CNOT7: variants seen among roughly 807,000 people sequenced by gnomAD.
CNOT7 encodes BTG1-binding factor 1.
CNOT7 carries 4 observed loss-of-function variants against 37.1 expected under a neutral mutation model. That is an observed-to-expected ratio of 0.11 (90% CI 0.05 to 0.25). The LOEUF is 0.25. Among genes scored for constraint, CNOT7 ranks in the 10% least tolerant of loss-of-function variants. CNOT7 has a pLI of 1.00. For missense variants in CNOT7, 170 were observed against 336.2 expected (o/e 0.51, Z 3.87); for synonymous variants, 128 against 115.6 (o/e 1.11, Z -0.69).
At chr8:17,238,111 A>G (rs1348198738) in intron 3 of CNOT7, among the ~76,000 whole-genome samples, 1 of 152,218 alleles carries the variant, frequency 6.6e-6, no homozygotes, top group African/African-American at 2.4e-5. Context: ...CCAACCACAA[A>G]TATGTGTATC....
intron 3 of CNOT7, among the ~76,000 whole-genome samples, chr8:17,239,619 G>A (rs1809866429): frequency 6.6e-6 from 1 of 152,116 alleles, no homozygotes; most frequent in Admixed American, 6.5e-5. Flanking sequence ...AGCCTCCCGA[G>A]TAGCTGGGAC....
At position 17,237,280 on chromosome 8, in the gene CNOT7, G is replaced by A. The variant is rs754732510; in HGVS notation, c.405C>T (p.Tyr135=). 3 of 1,613,992 alleles carry A rather than the reference G, an allele frequency of 1.9e-6. No individual in the cohort carries two copies. The highest frequency in any genetic ancestry group is 2.5e-6 in the Non-Finnish European group (3 of 1,179,976). The change falls in exon 4 of 7, where the codon TAC becomes TAT. Residue 135 remains tyrosine, a synonymous_variant. Transcript: ENST00000361272. ...CAGAAGTCATAAGAAGTTCTGCAAA[G>A]TACTGGGTTTCAATTCCTTCCTCCT... ...KHEEEGIETQ[Y]FAELLMTSGV...
rs1266961654 is a variant in CNOT7 at position 17,226,412 on chromosome 8, C to G, written c.*4308G>C. The G allele has an allele frequency of 6.6e-6, 1 of 151,584 alleles. No homozygotes were observed. Among genetic ancestry groups the G allele is most frequent in the Non-Finnish European group, 1.5e-5 (1 of 67,664 alleles). 9.4% of individuals were successfully genotyped at this position (151,584 alleles called of 1,614,324 possible). On this transcript the variant is annotated 3_prime_UTR_variant, in exon 7 of 7. Coordinates refer to ENST00000361272, the MANE Select transcript of CNOT7 (RefSeq NM_013354.7). ...AAACAGGTCAAGGTACTGCTAAATA[C>G]TGACACATCCACCCATGAGCATGTG...
At chr8:17,231,940 T>A in intron 6 of CNOT7, 1 of 987,200 alleles carries the variant, frequency 1.0e-6, no homozygotes, top group Non-Finnish European at 1.2e-6. Flanking sequence ...TGAGTTCTTC[T>A]CTATAAAATC....
Position 17,237,314 on chromosome 8 carries a change from T to C in CNOT7, c.371A>G (p.Lys124Arg). Residue 124 changes from lysine to arginine, a missense_variant, in exon 4 of 7, where the codon AAA (lysine) becomes AGA (arginine). Around this residue, in one of 6 missense-constraint regions of CNOT7, gnomAD observed 68 missense variants for 151.1 expected, o/e 0.45. Coordinates refer to ENST00000361272, the MANE Select transcript of CNOT7 (RefSeq NM_013354.7). ...TTCAATTCCTTCCTCCTCATGTTTT[T>C]TAAACTGGATACCAGATGTTGTTAG... ...ELLTTSGIQF[K>R]KHEEEGIETQ... 2 of 1,614,134 alleles carry C rather than the reference T, an allele frequency of 1.2e-6. No homozygotes were observed. Among genetic ancestry groups the C allele is most frequent in the Non-Finnish European group, 1.7e-6 (2 of 1,179,984 alleles).
intron 6 of CNOT7, 149 bp downstream of exon 6, chr8:17,232,278 A>T: frequency 6.7e-7 from 1 of 1,483,088 alleles, no homozygotes; most frequent in Admixed American, 2.8e-5. Context: ...ATTTTTGAAT[A>T]CTTTTAAGTG....
Position 17,229,095 on chromosome 8 carries a change from T to TTGA in CNOT7, c.*1624_*1625insTCA, listed in dbSNP as rs1260023443. On this transcript the variant is annotated 3_prime_UTR_variant, in exon 7 of 7. Transcript: ENST00000361272. ...TTGAAATGCAGAAAACTCAGACTGA[T>TTGA]TTTTCAATTAATGGACTAATAATCA... 1 of 151,864 alleles carries TTGA rather than the reference T, an allele frequency of 6.6e-6. No individual in the cohort carries two copies. The highest frequency in any genetic ancestry group is 2.4e-5 in the African/African-American group (1 of 41,392). 9.4% of individuals were successfully genotyped at this position (151,864 alleles called of 1,614,324 possible).
chr8:17,235,963 A>G (rs1005556988), intron 4 of CNOT7, among the ~76,000 whole-genome samples: 1 of 152,220 alleles, frequency 6.6e-6, no homozygotes, highest in African/African-American at 2.4e-5. Context: ...ATGAAAGGGT[A>G]TGTCATATAC....
intron 5 of CNOT7, 134 bp downstream of exon 5, chr8:17,234,582 T>G (rs990173435): frequency 1.1e-6 from 1 of 930,504 alleles, no homozygotes; most frequent in East Asian, 2.5e-5. Context: ...AAAAATCACA[T>G]GACCAGATAA....
At chr8:17,242,198 G>C (rs1243304716) in intron 3 of CNOT7, 1 of 152,128 alleles carries the variant, frequency 6.6e-6, no homozygotes, top group Admixed American at 6.5e-5. Context: ...GCCCGGGTCA[G>C]GAATCAATTT....
chr8:17,245,910 G>A (rs1283320344), intron 1 of CNOT7: 3 of 151,664 alleles, frequency 2.0e-5, no homozygotes, highest in Non-Finnish European at 4.4e-5. Flanking sequence ...TTGATTCTTG[G>A]GCAGGGAAAT....
chr8:17,227,429 C>T lies in CNOT7; in HGVS notation c.*3291G>A, dbSNP rs920249779. Reference sequence around the variant, plus strand: ...GTCATTTGATGTTGTGTCCAAAATCCTCATTCTTCAAACTACTGTTCTCAT... The same window carrying T: ...GTCATTTGATGTTGTGTCCAAAATCTTCATTCTTCAAACTACTGTTCTCAT... On this transcript the variant is annotated 3_prime_UTR_variant, in exon 7 of 7. Coordinates refer to ENST00000361272, the MANE Select transcript of CNOT7 (RefSeq NM_013354.7). The T allele has an allele frequency of 5.9e-5, 9 of 151,820 alleles. No homozygotes were observed. Among genetic ancestry groups the T allele is most frequent in the African/African-American group, 2.2e-4 (9 of 41,414 alleles). The allele number at this position is 151,820 out of a possible 1,614,324, so 9.4% of individuals were successfully genotyped here.
At chr8:17,240,899 G>T (rs1220303602) in intron 3 of CNOT7, among the ~76,000 whole-genome samples, 4 of 152,162 alleles carry the variant, frequency 2.6e-5, no homozygotes, top group Admixed American at 2.0e-4. Context: ...CATACTCAAA[G>T]AACTGTCTTG....
intron 6 of CNOT7, chr8:17,231,943 A>G: frequency 3.0e-6 from 3 of 987,690 alleles, no homozygotes; most frequent in Non-Finnish European, 3.6e-6. Context: ...GTTCTTCTCT[A>G]TAAAATCTTC....
intron 5 of CNOT7, among the ~76,000 whole-genome samples, chr8:17,233,788 C>G (rs750136797): frequency 2.0e-5 from 3 of 152,154 alleles, no homozygotes; most frequent in Non-Finnish European, 4.4e-5. Flanking sequence ...CATATGCTGA[C>G]CATATCATGT....
intron 4 of CNOT7, 52 bp from the exon 5 acceptor site, chr8:17,234,912 ATT>A: frequency 6.6e-7 from 1 of 1,516,560 alleles, no homozygotes; most frequent in Non-Finnish European, 8.9e-7. Flanking sequence ...TACTATAAAG[ATT>A]AAAAAAAAAA....
intron 6 of CNOT7, chr8:17,231,740 G>C: frequency 1.0e-6 from 1 of 985,352 alleles, no homozygotes; most frequent in South Asian, 4.7e-5. Flanking sequence ...AATTACTTAG[G>C]AGTAGATAAT....
At chr8:17,238,525 T>G (rs1341254076) in intron 3 of CNOT7, among the ~76,000 whole-genome samples, 4 of 151,504 alleles carry the variant, frequency 2.6e-5, no homozygotes, top group Non-Finnish European at 5.9e-5. Flanking sequence ...TTTTTTTTTT[T>G]TCCAGTGAAA....
chr8:17,234,560 G>A (rs1172505843), intron 5 of CNOT7, 156 bp downstream of exon 5: 4 of 754,502 alleles, frequency 5.3e-6, no homozygotes, highest in Non-Finnish European at 8.7e-6. Flanking sequence ...TACAAATTAT[G>A]TATGCAAGAA....
Sources: allele counts gnomAD v4.1 joint callset (sites outside exome capture counted in the v4.1 genomes callset), GRCh38; gene constraint gnomAD v4.1.1; regional missense constraint gnomAD v4.1.1; transcripts MANE v1.5; gene names NCBI Gene and HGNC (gene_info 2026-07-23, HGNC 2026-07-21).